SH3PXD2A: variants seen among roughly 807,000 people sequenced by gnomAD.
SH3PXD2A encodes the protein SH3 and PX domains 2A.
Under a neutral mutation model 115.2 loss-of-function variants are expected in SH3PXD2A, and 32 were observed. The ratio of observed to expected loss-of-function variants is 0.28; its 90% CI spans 0.21 to 0.37. The LOEUF (loss-of-function observed/expected upper bound fraction) is 0.37, where lower values mean the gene tolerates loss of function less well. SH3PXD2A is among the 10% of genes least tolerant of loss of function. The pLI is 1.00. For missense variants in SH3PXD2A, 1,328 were observed against 1,498.7 expected (o/e 0.89, Z 1.88); for synonymous variants, 610 against 629.1 (o/e 0.97, Z 0.45).
chr10:103,721,776 C>A (rs555010317), intron 5 of SH3PXD2A, among the ~76,000 whole-genome samples: 3 of 152,226 alleles, frequency 2.0e-5, no homozygotes, highest in East Asian at 3.9e-4. Flanking sequence ...AGGCTCAGAG[C>A]CTTCCCTTGC....
At chr10:103,604,581 A>G (rs1440247368) in intron 14 of SH3PXD2A, among the ~76,000 whole-genome samples, 1 of 152,200 alleles carries the variant, frequency 6.6e-6, no homozygotes, top group African/African-American at 2.4e-5. Flanking sequence ...CCTGGAGGAA[A>G]AGGTCCTGGG....
chr10:103,674,778 C>G (rs991214559), intron 6 of SH3PXD2A, among the ~76,000 whole-genome samples: 4 of 152,138 alleles, frequency 2.6e-5, no homozygotes, highest in African/African-American at 9.7e-5. Flanking sequence ...TGAGATCACG[C>G]CACCGCACTC....
intron 2 of SH3PXD2A, among the ~76,000 whole-genome samples, chr10:103,776,819 C>T (rs1169866851): frequency 6.6e-6 from 1 of 152,202 alleles, no homozygotes; most frequent in Non-Finnish European, 1.5e-5. Flanking sequence ...CGGATGATCT[C>T]AACTAATTAC....
intron 5 of SH3PXD2A, among the ~76,000 whole-genome samples, chr10:103,722,767 G>A (rs747339251): frequency 2.0e-5 from 3 of 152,168 alleles, no homozygotes; most frequent in East Asian, 1.9e-4. Context: ...GAACTGGGAC[G>A]TGAACTCAAT....
At chr10:103,617,419 A>G in intron 10 of SH3PXD2A, 105 bp from the exon 11 acceptor site, 1 of 784,038 alleles carries the variant, frequency 1.3e-6, no homozygotes, top group Non-Finnish European at 2.2e-6. Context: ...ACTGCTTGCC[A>G]AGAAGGTCCA....
Position 103,603,669 on chromosome 10 carries a change from G to A in SH3PXD2A, c.1549C>T (p.Leu517=), listed in dbSNP as rs749181939. 40 of 1,606,826 alleles carry A rather than the reference G, an allele frequency of 2.5e-5. No homozygotes were observed. The highest frequency in any genetic ancestry group is 3.3e-5 in the Non-Finnish European group (39 of 1,177,402). The change falls in exon 15 of 15, where the codon CTG becomes TTG. Residue 517 remains leucine, a synonymous_variant. Coordinates refer to ENST00000369774, the MANE Select transcript of SH3PXD2A (RefSeq NM_001394015.1). ...GGCGGGGGCACCTTGGGCCGGGTCA[G>A]CGTGCTTGTGCGGCGGCTCAGGTTG... ...KPNLSRRTST[L]TRPKVPPPAP...
intron 1 of SH3PXD2A, among the ~76,000 whole-genome samples, chr10:103,806,440 G>C (rs1447693731): frequency 2.0e-5 from 3 of 151,994 alleles, no homozygotes; most frequent in African/African-American, 7.3e-5. Flanking sequence ...GTCTCCCTGA[G>C]CTGGCCTTGC....
chr10:103,827,037 G>A (rs567103359), intron 1 of SH3PXD2A, among the ~76,000 whole-genome samples: 19 of 152,292 alleles, frequency 1.2e-4, no homozygotes, highest in South Asian at 2.1e-4. Flanking sequence ...CCTTCCACAG[G>A]AGGATGTCCC....
At chr10:103,825,322 A>T (rs557879995) in intron 1 of SH3PXD2A, among the ~76,000 whole-genome samples, 63 of 152,264 alleles carry the variant, frequency 4.1e-4, no homozygotes, top group African/African-American at 1.2e-3. Context: ...TTCCTAGGAC[A>T]GTATCATTTG....
chr10:103,822,550 G>A (rs743245), intron 1 of SH3PXD2A, among the ~76,000 whole-genome samples: 2 of 152,080 alleles, frequency 1.3e-5, no homozygotes, highest in South Asian at 2.1e-4. Flanking sequence ...GGCATGGTGG[G>A]GGGGGAGCAG....
chr10:103,682,587 C>T (rs532748951), intron 6 of SH3PXD2A, among the ~76,000 whole-genome samples: 1 of 152,178 alleles, frequency 6.6e-6, no homozygotes, highest in Non-Finnish European at 1.5e-5. Flanking sequence ...GAAATCCCAT[C>T]TCTACTAAAA....
At chr10:103,771,532 G>A (rs1329233510) in intron 2 of SH3PXD2A, among the ~76,000 whole-genome samples, 1 of 152,050 alleles carries the variant, frequency 6.6e-6, no homozygotes, top group Non-Finnish European at 1.5e-5. Context: ...CAGGAGGACT[G>A]CTTGAGGCTA....
At chr10:103,672,959 G>C (rs1592293915) in intron 6 of SH3PXD2A, among the ~76,000 whole-genome samples, 1 of 152,350 alleles carries the variant, frequency 6.6e-6, no homozygotes, top group South Asian at 2.1e-4. Context: ...CAGGGGCCTG[G>C]AGATTCCGGC....
chr10:103,596,256 C>T lies in SH3PXD2A; in HGVS notation c.*5560G>A, dbSNP rs976171251. On this transcript the variant is annotated 3_prime_UTR_variant, in exon 15 of 15. Coordinates refer to ENST00000369774, the MANE Select transcript of SH3PXD2A (RefSeq NM_001394015.1). ...GCTGAGGGGTGGGAGTCAGCCTGCT[C>T]GATGACACGTCTGCAGGGGATGACC... 10 of 152,406 alleles carry T rather than the reference C, an allele frequency of 6.6e-5. No homozygotes were observed. The highest frequency in any genetic ancestry group is 2.2e-4 in the African/African-American group (9 of 41,406). 9.4% of individuals were successfully genotyped at this position (152,406 alleles called of 1,614,324 possible). A position where few individuals can be genotyped will look rare whatever the true frequency, so the allele number is the denominator to read the frequency against.
At chr10:103,776,337 G>C (rs908831514) in intron 2 of SH3PXD2A, among the ~76,000 whole-genome samples, 1 of 150,008 alleles carries the variant, frequency 6.7e-6, no homozygotes, top group Admixed American at 6.6e-5. Context: ...AGGCTGCAGT[G>C]AGCCATGATC....
chr10:103,701,835 T>C (rs562725025), intron 5 of SH3PXD2A, among the ~76,000 whole-genome samples: 2 of 142,010 alleles, frequency 1.4e-5, no homozygotes, highest in South Asian at 4.8e-4. Flanking sequence ...ATCATCTATC[T>C]ACCATCTATC....
chr10:103,663,481 C>T (rs926728365), intron 7 of SH3PXD2A, among the ~76,000 whole-genome samples: 13 of 152,248 alleles, frequency 8.5e-5, no homozygotes, highest in Non-Finnish European at 1.5e-4. Flanking sequence ...GATTTGTTTC[C>T]ATCAGTCTGG....
At chr10:103,662,191 C>G (rs1374716674) in intron 7 of SH3PXD2A, among the ~76,000 whole-genome samples, 4 of 152,038 alleles carry the variant, frequency 2.6e-5, no homozygotes, top group African/African-American at 9.7e-5. Context: ...GCTTCTCTGT[C>G]CTCCTCAGCC....
chr10:103,797,338 T>C (rs1385364176), intron 2 of SH3PXD2A, among the ~76,000 whole-genome samples: 5 of 152,188 alleles, frequency 3.3e-5, no homozygotes, highest in Non-Finnish European at 7.3e-5. Context: ...GGCTCTGCTC[T>C]GCACGGTCCT....
Sources: allele counts gnomAD v4.1 joint callset (sites outside exome capture counted in the v4.1 genomes callset), GRCh38; gene constraint gnomAD v4.1.1; transcripts MANE v1.5; gene names NCBI Gene and HGNC (gene_info 2026-07-23, HGNC 2026-07-21).